Variants in DGKD observed in about 807,000 individuals in gnomAD.
DGKD encodes DAG kinase delta.
In DGKD, 68 loss-of-function variants were observed where a neutral mutation model predicts 154.4. The observed-to-expected ratio is 0.44, with a 90% CI of 0.36 to 0.54. The LOEUF is 0.54. Ranked by LOEUF, DGKD falls within the 20% of genes least tolerant of loss-of-function variation. DGKD has a pLI of 0.00. For synonymous variants in DGKD, 693 were observed against 638.0 expected (o/e 1.09, Z -1.30); for missense variants, 1,343 against 1,593.6 (o/e 0.84, Z 2.68).
intron 3 of DGKD, among the ~76,000 whole-genome samples, chr2:233,397,024 G>GCGCCAGAGTGAGAAGACTCCAGA (rs1324319573): frequency 5.3e-5 from 1 of 18,974 alleles, no homozygotes; most frequent in Non-Finnish European, 1.1e-4. Context: ...GCTGGGGGGG[G>GCGCCAGAGTGAGAAGACTCCAGA]GGGCGCCAGA....
At chr2:233,366,226 T>A (rs1214732683) in intron 1 of DGKD, among the ~76,000 whole-genome samples, 1 of 152,164 alleles carries the variant, frequency 6.6e-6, no homozygotes, top group African/African-American at 2.4e-5. Flanking sequence ...TTTAAGATTT[T>A]AGGAAGGACC....
chr2:233,457,305 T>C lies in DGKD; in HGVS notation c.2557T>C (p.Trp853Arg). The change falls in exon 21 of 30, where the codon TGG (tryptophan) becomes CGG (arginine). Residue 853 changes from tryptophan to arginine, a missense_variant. Around this residue, in one of 6 missense-constraint regions of DGKD, gnomAD observed 429 missense variants for 496.3 expected, o/e 0.86. Transcript: ENST00000264057. This position sits in a 1 kb window ranked among gnomAD's most constrained non-coding sequence, Gnocchi z 5.5. ...CAGCTATGCCGGAGGAACCAACTTC[T>C]GGGGGGGTACCAAGGAAGATGATGT... ...IPSYAGGTNF[W>R]GGTKEDDTFA... The C allele has an allele frequency of 6.5e-7, 1 of 1,536,164 alleles. No individual in the cohort carries two copies. The highest frequency in any genetic ancestry group is 8.8e-7 in the Non-Finnish European group (1 of 1,140,832).
At chr2:233,361,858 T>C (rs982874999) in intron 1 of DGKD, among the ~76,000 whole-genome samples, 2 of 152,188 alleles carry the variant, frequency 1.3e-5, no homozygotes, top group Non-Finnish European at 2.9e-5. Flanking sequence ...TGCAGTGGCA[T>C]GATCTCAGCT....
At chr2:233,379,414 C>T (rs958309694) in intron 1 of DGKD, among the ~76,000 whole-genome samples, 7 of 152,080 alleles carry the variant, frequency 4.6e-5, no homozygotes, top group African/African-American at 9.7e-5. Flanking sequence ...GGGAGGAGCC[C>T]GGTGGGCCAC....
At chr2:233,394,650 C>T (rs367840941) in intron 3 of DGKD, among the ~76,000 whole-genome samples, 10 of 133,444 alleles carry the variant, frequency 7.5e-5, no homozygotes, top group African/African-American at 2.7e-4. Context: ...TCCATCCTAA[C>T]TTTTATCTTT....
At position 233,470,813 on chromosome 2, in the gene DGKD, C is replaced by G. The variant is rs527427729; in HGVS notation, c.*1353C>G. ...GCCTGGCCGTGGCTTCTCTTTGGCT[C>G]CCAAAGAGAAGGACAGTGTTGGGAG... On this transcript the variant is annotated 3_prime_UTR_variant, in exon 30 of 30. Transcript: ENST00000264057. 3.4e-5 allele frequency: 5 copies of G among 147,720 alleles called. No homozygotes were observed. The highest frequency in any genetic ancestry group is 1.2e-4 in the African/African-American group (5 of 40,110). 9.2% of individuals were successfully genotyped at this position (147,720 alleles called of 1,614,324 possible).
intron 12 of DGKD, 54 bp from the exon 13 acceptor site, chr2:233,448,033 A>G: frequency 9.3e-6 from 15 of 1,609,800 alleles, no homozygotes; most frequent in Non-Finnish European, 1.3e-5. Context: ...TGGGACTGTC[A>G]TGGAGCTTGC....
intron 3 of DGKD, among the ~76,000 whole-genome samples, chr2:233,395,625 C>T (rs1456383070): frequency 7.0e-6 from 1 of 143,732 alleles, no homozygotes; most frequent in African/African-American, 2.6e-5. Flanking sequence ...CCCCTCCCCG[C>T]TTCTCTCTTT....
Position 233,457,370 on chromosome 2 carries a change from G to A in DGKD, c.2580+42G>A, listed in dbSNP as rs1023471844. On this transcript the variant is annotated intron_variant, in intron 21 of 29. Coordinates refer to ENST00000264057, the MANE Select transcript of DGKD (RefSeq NM_152879.3). The surrounding 1 kb of genome is among the most constrained non-coding windows in gnomAD (Gnocchi z 5.5). ...AGCGGGTGGGCCTGAGCTCAGTGGGGAAGAGCTGTCTGAGAGCAGGGGGGT... is the reference window on the plus strand; with the variant it reads ...AGCGGGTGGGCCTGAGCTCAGTGGGAAAGAGCTGTCTGAGAGCAGGGGGGT... The A allele has an allele frequency of 3.5e-6, 5 of 1,427,192 alleles. No homozygotes were observed. The African/African-American group carries it at 7.0e-5, about 20-fold the overall frequency. The allele number at this position is 1,427,192 out of a possible 1,614,324, so 88.4% of individuals were successfully genotyped here.
chr2:233,471,840 C>T lies in DGKD; in HGVS notation c.*2380C>T, dbSNP rs1405557975. 6.6e-6 allele frequency: 1 copy of T among 152,412 alleles called. No homozygotes were observed. Among genetic ancestry groups the T allele is most frequent in the Non-Finnish European group, 1.5e-5 (1 of 68,084 alleles). 9.4% of individuals were successfully genotyped at this position (152,412 alleles called of 1,614,324 possible). A position where few individuals can be genotyped will look rare whatever the true frequency, so the allele number is the denominator to read the frequency against. On this transcript the variant is annotated 3_prime_UTR_variant, in exon 30 of 30. Coordinates refer to ENST00000264057, the MANE Select transcript of DGKD (RefSeq NM_152879.3). The stretch of plus-strand genomic sequence containing the variant: ...TGGGGGCTGCTCTGCTGCCCCGGCC[C>T]AGGTCCCCTTGTGGTGTTGCCAGAC...
intron 27 of DGKD, among the ~76,000 whole-genome samples, chr2:233,465,054 C>T (rs981398084): frequency 2.6e-5 from 4 of 152,330 alleles, no homozygotes; most frequent in Admixed American, 6.5e-5. Flanking sequence ...CACCCTCTTT[C>T]CGGGGCCCTG....
intron 24 of DGKD, 104 bp downstream of exon 24, chr2:233,460,449 G>T: frequency 1.2e-5 from 18 of 1,451,446 alleles, no homozygotes; most frequent in Admixed American, 4.6e-5. Flanking sequence ...CCTGACTTTT[G>T]TGGGGTCTGC....
chr2:233,434,963 C>G, intron 5 of DGKD, 62 bp downstream of exon 5: 1 of 1,561,898 alleles, frequency 6.4e-7, no homozygotes, highest in Non-Finnish European at 8.7e-7. Context: ...TTGATAAAGC[C>G]TTGGAAATCC....
Position 233,440,083 on chromosome 2 carries a change from C to T in DGKD, c.1085+1704C>T, listed in dbSNP as rs74693169. ...TCATTTTGGTGTGCAAGCAAAACCC[C>T]ATGTTTCGTAGTGGGAGTTAAGTAT... is the stretch of plus-strand genomic sequence containing the variant. On this transcript the variant is annotated intron_variant, in intron 9 of 29. Transcript: ENST00000264057. The surrounding 1 kb of genome is among the most constrained non-coding windows in gnomAD (Gnocchi z 4.9). Among the ~76,000 whole-genome samples the T allele has an allele frequency of 9.9e-3, 1,499 of 152,160 alleles. 27 individuals are homozygous for T. Among genetic ancestry groups the T allele is most frequent in the African/African-American group, 0.034 (1,404 of 41,504 alleles).
chr2:233,382,350 T>C (rs1702947588), intron 1 of DGKD, among the ~76,000 whole-genome samples: 1 of 152,228 alleles, frequency 6.6e-6, no homozygotes. Flanking sequence ...TTGGGGGGCT[T>C]TGTGAATTTG....
intron 1 of DGKD, among the ~76,000 whole-genome samples, chr2:233,360,134 T>C (rs1387429020): frequency 2.0e-5 from 3 of 152,196 alleles, no homozygotes; most frequent in African/African-American, 7.2e-5. Context: ...GAGTGTGGTA[T>C]TTGGGGCTGC....
At chr2:233,410,018 T>C (rs559469948) in intron 3 of DGKD, among the ~76,000 whole-genome samples, 3 of 152,014 alleles carry the variant, frequency 2.0e-5, no homozygotes, top group Admixed American at 6.5e-5. Flanking sequence ...TTGGTAGAGA[T>C]ATGATCTCAC....
chr2:233,435,761 A>G (rs923425399), intron 5 of DGKD, 57 bp from the exon 6 acceptor site: 1 of 1,535,728 alleles, frequency 6.5e-7, no homozygotes, highest in Non-Finnish European at 8.8e-7. Flanking sequence ...ACTGCTCAGC[A>G]TGGGAAGCTC....
intron 1 of DGKD, among the ~76,000 whole-genome samples, chr2:233,357,686 G>GC (rs1199130518): frequency 6.6e-6 from 1 of 151,944 alleles, no homozygotes; most frequent in African/African-American, 2.4e-5. Context: ...ACAGGCAAAT[G>GC]CCACCATGCT....
Sources: gnomAD v4.1 joint callset for allele counts (sites outside exome capture counted in the v4.1 genomes callset) on GRCh38, gnomAD v4.1.1 for gene constraint, gnomAD v4.1.1 regional missense constraint, Gnocchi (gnomAD v3.1) non-coding constraint, MANE v1.5 for transcripts, NCBI Gene and HGNC (gene_info 2026-07-23, HGNC 2026-07-21) for gene names.